The following SMYD3 variants were observed in gnomAD, a reference collection of about 807,000 sequenced individuals.
The protein encoded by SMYD3 is SET and MYND domain containing 3.
Under a neutral mutation model 57.7 loss-of-function variants are expected in SMYD3, and 36 were observed. That is an observed-to-expected ratio of 0.62 (90% CI 0.48 to 0.82). The LOEUF (loss-of-function observed/expected upper bound fraction) is 0.82, where lower values mean the gene tolerates loss of function less well. SMYD3 is among the 40% of genes least tolerant of loss of function. The probability of loss-of-function intolerance (pLI) is 0.00; values close to 1 mark genes in which losing one functional copy is unlikely to be tolerated. For synonymous variants in SMYD3, 211 were observed against 195.0 expected, an observed-to-expected ratio of 1.08 and a Z score of -0.68; for missense variants, 515 against 538.8, an observed-to-expected ratio of 0.96 and a Z score of 0.44.
chr1:246,180,786 A>C (rs1361125804), intron 5 of SMYD3, among the ~76,000 whole-genome samples: 2 of 148,090 alleles, frequency 1.4e-5, no homozygotes, highest in Non-Finnish European at 3.0e-5. Context: ...AAAAAAAAAA[A>C]AAAAAAAAAA....
intron 2 of SMYD3, among the ~76,000 whole-genome samples, chr1:246,352,839 A>G (rs909038800): frequency 2.0e-5 from 3 of 152,142 alleles, no homozygotes; most frequent in African/African-American, 7.2e-5. Flanking sequence ...AAAACAGGGG[A>G]AAAAAATGTT....
intron 5 of SMYD3, among the ~76,000 whole-genome samples, chr1:246,200,336 G>A (rs1467673585): frequency 1.0e-4 from 15 of 150,622 alleles, no homozygotes; most frequent in East Asian, 4.0e-4. Flanking sequence ...CAGCGTAGAC[G>A]CTGAGCAAGA....
chr1:246,162,568 A>G (rs142204247), intron 5 of SMYD3, among the ~76,000 whole-genome samples: 33 of 152,318 alleles, frequency 2.2e-4, no homozygotes, highest in African/African-American at 7.9e-4. Flanking sequence ...AAATTTCACA[A>G]TGCTGAGGAG....
At chr1:246,488,815 G>A (rs1465905472) in intron 1 of SMYD3, among the ~76,000 whole-genome samples, 1 of 152,206 alleles carries the variant, frequency 6.6e-6, no homozygotes, top group Admixed American at 6.5e-5. Flanking sequence ...CAATAAAGTA[G>A]ACAGAAGACA....
intron 5 of SMYD3, among the ~76,000 whole-genome samples, chr1:246,062,122 C>T (rs912987907): frequency 6.6e-6 from 1 of 152,104 alleles, no homozygotes; most frequent in Non-Finnish European, 1.5e-5. Flanking sequence ...AAGAGCTGCT[C>T]ATTAGGACTG....
intron 5 of SMYD3, among the ~76,000 whole-genome samples, chr1:246,022,702 A>C (rs12085648): frequency 0.055 from 8,449 of 152,320 alleles, 304 homozygotes; most frequent in African/African-American, 0.097. Context: ...TATAACTAAT[A>C]TAACTCTGCA....
intron 5 of SMYD3, among the ~76,000 whole-genome samples, chr1:246,307,483 G>C (rs1439797991): frequency 7.1e-6 from 1 of 140,656 alleles, no homozygotes; most frequent in Non-Finnish European, 1.5e-5. Flanking sequence ...GCAGTGGCGT[G>C]ATCTCGGCTC....
Position 245,843,614 on chromosome 1 carries a change from T to C in SMYD3, c.1076+14882A>G, listed in dbSNP as rs1450290455. 1.3e-5 allele frequency among the ~76,000 whole-genome samples: 2 copies of C among 151,504 alleles called. 1 individual carries two copies. Among genetic ancestry groups the C allele is most frequent in the Admixed American group, 1.3e-4 (2 of 15,186 alleles). ...TACATATATGTGAAACAAAGTAACATCAGTTGTATTACCTTAAACCACCAA... is the reference window on the plus strand; with the variant it reads ...TACATATATGTGAAACAAAGTAACACCAGTTGTATTACCTTAAACCACCAA... On this transcript the variant is annotated intron_variant, in intron 10 of 11. Coordinates refer to ENST00000490107, the MANE Select transcript of SMYD3 (RefSeq NM_001167740.2).
At chr1:246,354,047 T>C (rs546896675) in intron 2 of SMYD3, among the ~76,000 whole-genome samples, 5 of 152,168 alleles carry the variant, frequency 3.3e-5, no homozygotes, top group Non-Finnish European at 7.3e-5. Flanking sequence ...AGAAAACCCC[T>C]GAGACAAGCA....
chr1:245,785,129 G>A (rs1182354448), intron 10 of SMYD3, among the ~76,000 whole-genome samples: 1 of 151,328 alleles, frequency 6.6e-6, no homozygotes, highest in Non-Finnish European at 1.5e-5. Flanking sequence ...TGATCCACCC[G>A]CCTCGGCCTC....
intron 5 of SMYD3, among the ~76,000 whole-genome samples, chr1:245,993,560 C>T (rs1188056084): frequency 1.3e-4 from 13 of 96,812 alleles, no homozygotes; most frequent in Non-Finnish European, 2.1e-4. Flanking sequence ...CATAGCAAGA[C>T]GTTGTCTCAA....
intron 5 of SMYD3, among the ~76,000 whole-genome samples, chr1:246,045,699 A>C (rs1406784771): frequency 2.6e-5 from 4 of 152,222 alleles, no homozygotes; most frequent in African/African-American, 9.6e-5. Context: ...CAGGCAACCT[A>C]CAGAATGGGA....
chr1:246,193,721 C>T (rs1343655565), intron 5 of SMYD3: 1 of 148,846 alleles, frequency 6.7e-6, no homozygotes, highest in South Asian at 2.2e-4. Context: ...CAGGGACGGC[C>T]TCCGCCAGCA....
chr1:245,880,285 AC>A lies in SMYD3; in HGVS notation c.814-16400del, dbSNP rs2052710636. Reference sequence around the variant, plus strand: ...ATTAACACCATATTGTTCGATTTCAACCAGGATTTGTTAATATCTTCATAAT... The same window carrying A: ...ATTAACACCATATTGTTCGATTTCAACAGGATTTGTTAATATCTTCATAAT... On this transcript the variant is annotated intron_variant, in intron 8 of 11. Transcript: ENST00000490107. 3.3e-5 allele frequency among the ~76,000 whole-genome samples: 5 copies of A among 152,318 alleles called. No individual in the cohort carries two copies. In the South Asian group the frequency reaches 1.0e-3, roughly 32 times the overall value.
intron 1 of SMYD3, among the ~76,000 whole-genome samples, chr1:246,466,889 T>C (rs2067890227): frequency 6.6e-6 from 1 of 151,866 alleles, no homozygotes; most frequent in Non-Finnish European, 1.5e-5. Context: ...TTAAAAATGC[T>C]GGGCGCAGTG....
intron 10 of SMYD3, chr1:245,788,984 G>A (rs181573453): frequency 2.0e-5 from 3 of 152,314 alleles, no homozygotes; most frequent in Admixed American, 1.3e-4. Context: ...TTGGACTAGG[G>A]GACCGAGAAG....
intron 1 of SMYD3, among the ~76,000 whole-genome samples, chr1:246,495,217 C>T (rs1198152300): frequency 1.3e-5 from 2 of 151,716 alleles, no homozygotes; most frequent in Non-Finnish European, 1.5e-5. Flanking sequence ...GGCGTGGTGG[C>T]GGGCGCCTGT....
At chr1:246,022,300 C>T (rs1317899144) in intron 5 of SMYD3, among the ~76,000 whole-genome samples, 1 of 152,086 alleles carries the variant, frequency 6.6e-6, no homozygotes, top group Non-Finnish European at 1.5e-5. Context: ...CATCTCTATA[C>T]GAAGATGTTC....
chr1:245,867,326 C>T (rs2051911154), intron 8 of SMYD3, among the ~76,000 whole-genome samples: 1 of 152,196 alleles, frequency 6.6e-6, no homozygotes, highest in African/African-American at 2.4e-5. Flanking sequence ...TTGGGTCAGG[C>T]TTCTGGCCTA....
Sources: gnomAD v4.1 joint callset for allele counts (sites outside exome capture counted in the v4.1 genomes callset) on GRCh38, gnomAD v4.1.1 for gene constraint, MANE v1.5 for transcripts, NCBI Gene and HGNC (gene_info 2026-07-23, HGNC 2026-07-21) for gene names.